The following TAFA2 variants were observed in gnomAD, a reference collection of about 807,000 sequenced individuals.
The protein encoded by TAFA2 is chemokine-like protein TAFA-2.
Under a neutral mutation model 18.8 loss-of-function variants are expected in TAFA2, and 7 were observed. That is an observed-to-expected ratio of 0.37 (90% confidence interval 0.21 to 0.70). TAFA2 has a LOEUF of 0.70. Ranked by LOEUF, TAFA2 falls within the 30% of genes least tolerant of loss-of-function variation. The pLI, the probability that TAFA2 is intolerant of heterozygous loss-of-function variation, is 0.53. For synonymous variants in TAFA2, 60 were observed against 54.2 expected, an observed-to-expected ratio of 1.11 and a Z score of -0.47; for missense variants, 122 against 158.1, an observed-to-expected ratio of 0.77 and a Z score of 1.23.
At chr12:62,115,722 A>C (rs576351330) in intron 1 of TAFA2, among the ~76,000 whole-genome samples, 36 of 152,150 alleles carry the variant, frequency 2.4e-4, no homozygotes, top group Non-Finnish European at 4.0e-4. Flanking sequence ...ACTGCACAGG[A>C]AGGAGAAAGT....
rs144894112 is a variant in TAFA2 at position 62,155,247 on chromosome 12, C to G, written c.-2+36012G>C. ...TTAGGAATATACCTAACCAAGGAGT[C>G]GAAAGACCTCTACAAGTAAAACTAC... On this transcript the variant is annotated intron_variant, in intron 1 of 4. Transcript: ENST00000416284. 5.0e-3 allele frequency among the ~76,000 whole-genome samples: 754 copies of G among 152,030 alleles called. 9 individuals carry two copies. Among genetic ancestry groups the G allele is most frequent in the African/African-American group, 0.017 (708 of 41,468 alleles).
At chr12:62,037,174 T>C (rs1881632153) in intron 1 of TAFA2, among the ~76,000 whole-genome samples, 1 of 152,234 alleles carries the variant, frequency 6.6e-6, no homozygotes, top group South Asian at 2.1e-4. Flanking sequence ...CCTCCAGCCT[T>C]CATCTTTTTC....
chr12:61,917,023 A>G (rs1347516126), intron 1 of TAFA2, among the ~76,000 whole-genome samples: 5 of 152,144 alleles, frequency 3.3e-5, no homozygotes, highest in Non-Finnish European at 1.5e-5. Flanking sequence ...GAACTCATAC[A>G]CGGTAAGGAG....
intron 1 of TAFA2, among the ~76,000 whole-genome samples, chr12:62,162,209 A>G (rs1592375126): frequency 6.6e-6 from 1 of 152,208 alleles, no homozygotes; most frequent in African/African-American, 2.4e-5. Context: ...GGAAGATAGG[A>G]GTCCAGCTTC....
chr12:61,998,182 A>C (rs1372439891), intron 1 of TAFA2, among the ~76,000 whole-genome samples: 1 of 152,206 alleles, frequency 6.6e-6, no homozygotes. Context: ...TTTCCTTAAA[A>C]ATGCAGTTGC....
chr12:61,961,626 C>T (rs1175371982), intron 1 of TAFA2, among the ~76,000 whole-genome samples: 1 of 151,884 alleles, frequency 6.6e-6, no homozygotes, highest in Non-Finnish European at 1.5e-5. Flanking sequence ...CATCCAAGGT[C>T]ACAGAAAAAC....
chr12:61,758,120 T>C (rs980199499), intron 2 of TAFA2, among the ~76,000 whole-genome samples: 27 of 152,070 alleles, frequency 1.8e-4, no homozygotes, highest in African/African-American at 5.8e-4. Flanking sequence ...TGTTAACATT[T>C]GATCTTGGTA....
chr12:61,739,687 TA>T (rs1868368016), intron 4 of TAFA2, among the ~76,000 whole-genome samples: 1 of 152,022 alleles, frequency 6.6e-6, no homozygotes, highest in Admixed American at 6.6e-5. Context: ...CTCAAAGCTA[TA>T]ATCTGGAGGC....
chr12:62,049,735 C>T (rs1882001264), intron 1 of TAFA2, among the ~76,000 whole-genome samples: 1 of 152,086 alleles, frequency 6.6e-6, no homozygotes, highest in South Asian at 2.1e-4. Flanking sequence ...AGTATGAAGT[C>T]ACCTTATATA....
At chr12:61,949,890 G>A (rs975335318) in intron 1 of TAFA2, among the ~76,000 whole-genome samples, 1 of 152,000 alleles carries the variant, frequency 6.6e-6, no homozygotes, top group Admixed American at 6.6e-5. Context: ...TTGCAAAATC[G>A]AAACTCCATA....
intron 1 of TAFA2, among the ~76,000 whole-genome samples, chr12:62,048,042 T>C (rs189943121): frequency 5.8e-4 from 89 of 152,382 alleles, no homozygotes; most frequent in Admixed American, 3.2e-3. Flanking sequence ...CCTAAGATGA[T>C]TAGAGATTGC....
At chr12:61,941,559 G>A (rs1029644724) in intron 1 of TAFA2, among the ~76,000 whole-genome samples, 1 of 152,182 alleles carries the variant, frequency 6.6e-6, no homozygotes, top group Admixed American at 6.5e-5. Flanking sequence ...ATCTCACTAG[G>A]GAGTGCCAGA....
At chr12:62,251,807 G>T (rs997298820) in intron 1 of TAFA2, among the ~76,000 whole-genome samples, 3 of 152,116 alleles carry the variant, frequency 2.0e-5, no homozygotes, top group African/African-American at 7.2e-5. Context: ...ACTACACAGG[G>T]TGCCTCTTTT....
intron 1 of TAFA2, chr12:62,255,375 C>A (rs1387267268): frequency 6.6e-6 from 1 of 152,052 alleles, no homozygotes; most frequent in Non-Finnish European, 1.5e-5. Context: ...TACTATGAAC[C>A]TTGATTTTAT....
At chr12:62,258,120 T>G (rs891665008) in intron 1 of TAFA2, 1 of 152,190 alleles carries the variant, frequency 6.6e-6, no homozygotes, top group East Asian at 1.9e-4. Context: ...ATAATAATAG[T>G]ACCAAAATCA....
chr12:62,023,260 A>G (rs1158315808), intron 1 of TAFA2, among the ~76,000 whole-genome samples: 2 of 151,942 alleles, frequency 1.3e-5, no homozygotes, highest in Non-Finnish European at 2.9e-5. Flanking sequence ...GGGGAGGGTG[A>G]ACAGCTACTG....
chr12:61,842,979 C>T (rs755585383), intron 2 of TAFA2, among the ~76,000 whole-genome samples: 1 of 151,934 alleles, frequency 6.6e-6, no homozygotes, highest in Admixed American at 6.6e-5. Context: ...TTCATGGAGA[C>T]ACAAAGCTGG....
At chr12:61,966,557 T>C (rs532549833) in intron 1 of TAFA2, among the ~76,000 whole-genome samples, 1 of 152,058 alleles carries the variant, frequency 6.6e-6, no homozygotes, top group South Asian at 2.1e-4. Context: ...ACACTCATTA[T>C]TTTCTGTTAT....
At chr12:61,791,141 T>C (rs1403280620) in intron 2 of TAFA2, among the ~76,000 whole-genome samples, 1 of 151,916 alleles carries the variant, frequency 6.6e-6, no homozygotes, top group Non-Finnish European at 1.5e-5. Context: ...CTGGGTAATT[T>C]GTATATCCAG....
Sources: allele counts gnomAD v4.1 joint callset (sites outside exome capture counted in the v4.1 genomes callset), GRCh38; gene constraint gnomAD v4.1.1; transcripts MANE v1.5; gene names NCBI Gene and HGNC (gene_info 2026-07-23, HGNC 2026-07-21).